Variants in PAQR3 observed in about 807,000 individuals in gnomAD.
PAQR3 encodes Raf kinase trapping to Golgi.
A neutral mutation model predicts 41.7 loss-of-function variants in PAQR3; 39 were observed. The observed-to-expected ratio is 0.93, with a 90% CI of 0.72 to 1.22. The LOEUF (loss-of-function observed/expected upper bound fraction) is 1.22. PAQR3 is among the 50% of genes most tolerant of loss of function. The probability of loss-of-function intolerance (pLI) is 0.00; values close to 1 mark genes in which losing one functional copy is unlikely to be tolerated. For synonymous variants in PAQR3, 140 were observed against 140.6 expected (o/e 1.00, Z 0.03); for missense variants, 366 against 385.6 (o/e 0.95, Z 0.42).
In PAQR3 at chr4:78,918,489, A is replaced by T; in HGVS notation, c.*2050T>A. 3 of 957,960 alleles carry T rather than the reference A, an allele frequency of 3.1e-6. No homozygotes were observed. The highest frequency in any genetic ancestry group is 3.7e-6 in the Non-Finnish European group (3 of 806,278). The allele number at this position is 957,960 out of a possible 1,614,324, so 59.3% of individuals were successfully genotyped here. ...TATATCATAGCAGTGAAAAAATGAG[A>T]GGATAACTTTCTTACAATATTTAAC... On this transcript the variant is annotated 3_prime_UTR_variant, in exon 6 of 6. Coordinates refer to ENST00000512733, the MANE Select transcript of PAQR3 (RefSeq NM_001040202.2).
rs1735370621 is a variant in PAQR3 at position 78,918,924 on chromosome 4, G to A, written c.*1615C>T. 1.0e-6 allele frequency: 1 copy of A among 984,852 alleles called. No individual in the cohort carries two copies. The highest frequency in any genetic ancestry group is 1.7e-5 in the African/African-American group (1 of 57,240). 61.0% of individuals were successfully genotyped at this position (984,852 alleles called of 1,614,324 possible). A position where few individuals can be genotyped will look rare whatever the true frequency, so the allele number is the denominator to read the frequency against. On this transcript the variant is annotated 3_prime_UTR_variant, in exon 6 of 6. Coordinates refer to ENST00000512733, the MANE Select transcript of PAQR3 (RefSeq NM_001040202.2). ...AAAATCTTCTATCACTTAACATATGGATCAAAATTTTAACCTTATAAGGTA... is the reference window on the plus strand; with the variant it reads ...AAAATCTTCTATCACTTAACATATGAATCAAAATTTTAACCTTATAAGGTA...
chr4:78,917,475 T>G lies in PAQR3; in HGVS notation c.*3064A>C, dbSNP rs1220985518. 6.6e-6 allele frequency: 1 copy of G among 151,998 alleles called. No homozygotes were observed. Among genetic ancestry groups the G allele is most frequent in the East Asian group, 1.9e-4 (1 of 5,202 alleles). 9.4% of individuals were successfully genotyped at this position (151,998 alleles called of 1,614,324 possible). On this transcript the variant is annotated 3_prime_UTR_variant, in exon 6 of 6. Transcript: ENST00000512733. ...AAGGGTAGTTTCAGTTCTGGATCATTATCTCATTACACTACTTGGGAATTC... is the reference window on the plus strand; with the variant it reads ...AAGGGTAGTTTCAGTTCTGGATCATGATCTCATTACACTACTTGGGAATTC...
chr4:78,917,988 C>G lies in PAQR3; in HGVS notation c.*2551G>C. ...ACATAATACATATTTTGTCATGCAG[C>G]TTACTGAATTGCAGTTAGTGTAATA... On this transcript the variant is annotated 3_prime_UTR_variant, in exon 6 of 6. Transcript: ENST00000512733. 3.0e-6 allele frequency: 3 copies of G among 983,904 alleles called. No individual in the cohort carries two copies. The highest frequency in any genetic ancestry group is 3.6e-6 in the Non-Finnish European group (3 of 828,256). 60.9% of individuals were successfully genotyped at this position (983,904 alleles called of 1,614,324 possible).
At position 78,939,078 on chromosome 4, in the gene PAQR3, G is replaced by A. The variant is rs1737752705; in HGVS notation, c.147C>T (p.Gly49=). Residue 49 remains glycine (G), a synonymous_variant, in exon 1 of 6, where the codon GGC becomes GGT. Transcript: ENST00000512733. ...GCCTGGACGGCAGGTAGGCCCGGTA[G>A]CCGTCGGTGATGTACGGGTTGTCCT... is the stretch of plus-strand genomic sequence containing the variant. ...SLKDNPYITD[G]YRAYLPSRLC... is the part of the protein sequence containing the mutation. 8 of 1,612,078 alleles carry A rather than the reference G, an allele frequency of 5.0e-6. No individual in the cohort carries two copies. The East Asian group carries it at 1.8e-4, about 36-fold the overall frequency.
At chr4:78,896,065 C>T (rs1001640684) in intron 11 of PAQR3, among the ~76,000 whole-genome samples, 4 of 152,174 alleles carry the variant, frequency 2.6e-5, no homozygotes, top group African/African-American at 9.7e-5. Context: ...AGTCCAAATA[C>T]AGTGTTTAAT....
Position 78,914,024 on chromosome 4 carries a change from T to C in PAQR3, c.*6515A>G. On this transcript the variant is annotated 3_prime_UTR_variant, in exon 6 of 6. Coordinates refer to ENST00000512733, the MANE Select transcript of PAQR3 (RefSeq NM_001040202.2). ...TCTTTTAAAAGTGAAGAGTTGATGA[T>C]TACACATAGTAAATTCATGAACTAC... is the stretch of plus-strand genomic sequence containing the variant. The C allele has an allele frequency of 6.6e-6, 1 of 152,096 alleles. No individual in the cohort carries two copies. The highest frequency in any genetic ancestry group is 1.9e-4 in the East Asian group (1 of 5,198). 9.4% of individuals were successfully genotyped at this position (152,096 alleles called of 1,614,324 possible).
Position 78,913,760 on chromosome 4 carries a change from C to A in PAQR3, c.*6779G>T, listed in dbSNP as rs1196121723. On this transcript the variant is annotated 3_prime_UTR_variant, in exon 6 of 6. Coordinates refer to ENST00000512733, the MANE Select transcript of PAQR3 (RefSeq NM_001040202.2). ...ATTGCTTTTTCCCTTCTTTTATATG[C>A]TAAATCAAATATAGATTTGTGGATA... The A allele has an allele frequency of 6.6e-6, 1 of 151,972 alleles. No homozygotes were observed. The highest frequency in any genetic ancestry group is 1.5e-5 in the Non-Finnish European group (1 of 67,968). 9.4% of individuals were successfully genotyped at this position (151,972 alleles called of 1,614,324 possible).
chr4:78,888,816 A>C (rs980082975), intron 11 of PAQR3, among the ~76,000 whole-genome samples: 1 of 152,216 alleles, frequency 6.6e-6, no homozygotes, highest in Non-Finnish European at 1.5e-5. Flanking sequence ...AATCCTGCCC[A>C]GTATACAACC....
intron 4 of PAQR3, among the ~76,000 whole-genome samples, chr4:78,925,124 A>G (rs928954517): frequency 1.4e-4 from 21 of 152,240 alleles, no homozygotes; most frequent in Middle Eastern, 3.4e-3. Flanking sequence ...TTAGGATTCC[A>G]TCTTTGAAAA....
chr4:78,917,746 T>C lies in PAQR3; in HGVS notation c.*2793A>G. The C allele has an allele frequency of 1.1e-6, 1 of 921,706 alleles. No homozygotes were observed. The highest frequency in any genetic ancestry group is 1.3e-6 in the Non-Finnish European group (1 of 772,094). The allele number at this position is 921,706 out of a possible 1,614,324, so 57.1% of individuals were successfully genotyped here. A position where few individuals can be genotyped will look rare whatever the true frequency, so the allele number is the denominator to read the frequency against. On this transcript the variant is annotated 3_prime_UTR_variant, in exon 6 of 6. Transcript: ENST00000512733. ...TTGACATTTAATACAGGGCAAAGTATTATCTAGTAGGTACCTGCCAAATGG... is the reference window on the plus strand; with the variant it reads ...TTGACATTTAATACAGGGCAAAGTACTATCTAGTAGGTACCTGCCAAATGG...
chr4:78,935,216 TGAA>T lies in PAQR3; in HGVS notation c.250_252del (p.Phe84del), dbSNP rs755057068. On this transcript the variant is annotated inframe_deletion, in exon 2 of 6. Coordinates refer to ENST00000512733, the MANE Select transcript of PAQR3 (RefSeq NM_001040202.2). ...GATGTCATGTCATATATTCCCAGGG[TGAA>T]GAAGAGAAAGAAACCCAGCAAATGA... 1 of 1,613,554 alleles carries T rather than the reference TGAA, an allele frequency of 6.2e-7. No individual in the cohort carries two copies. Among genetic ancestry groups the T allele is most frequent in the Non-Finnish European group, 8.5e-7 (1 of 1,179,664 alleles).
Position 78,939,350 on chromosome 4 carries a change from T to A in PAQR3, c.-126A>T, listed in dbSNP as rs1278554184. ...GACGCTGCGCGAGGTCCTACCGCGC[T>A]GCCGCTGCTGCCCAGGGCCCGGCTC... On this transcript the variant is annotated 5_prime_UTR_variant, in exon 1 of 6. Transcript: ENST00000512733. 4 of 792,336 alleles carry A rather than the reference T, an allele frequency of 5.0e-6. No individual in the cohort carries two copies. The highest frequency in any genetic ancestry group is 1.9e-5 in the African/African-American group (1 of 53,548). The allele number at this position is 792,336 out of a possible 1,614,324, so 49.1% of individuals were successfully genotyped here.
chr4:78,901,846 A>G (rs1734024022), intron 11 of PAQR3, among the ~76,000 whole-genome samples: 1 of 152,312 alleles, frequency 6.6e-6, no homozygotes, highest in South Asian at 2.1e-4. Context: ...CTGAAGTTTT[A>G]GATTTCTTAT....
intron 1 of PAQR3, among the ~76,000 whole-genome samples, chr4:78,937,922 T>C (rs896638470): frequency 6.6e-6 from 1 of 152,200 alleles, no homozygotes; most frequent in Non-Finnish European, 1.5e-5. Context: ...CTCAGCTGTG[T>C]AATTTACTCA....
rs1560565980 is a variant in PAQR3, at chr4:78,916,206, TA to T, written c.*4332del. 1.3e-5 allele frequency: 2 copies of T among 151,968 alleles called. No individual in the cohort carries two copies. The highest frequency in any genetic ancestry group is 1.3e-4 in the Admixed American group (2 of 15,206). 9.4% of individuals were successfully genotyped at this position (151,968 alleles called of 1,614,324 possible). On this transcript the variant is annotated 3_prime_UTR_variant, in exon 6 of 6. Transcript: ENST00000512733. ...TAAGCACTAACTGATTTTATTACTTTATTGCCTTTACACTGCTTATTCTTTT... is the reference window on the plus strand; with the variant it reads ...TAAGCACTAACTGATTTTATTACTTTTTGCCTTTACACTGCTTATTCTTTT...
intron 5 of PAQR3, among the ~76,000 whole-genome samples, chr4:78,921,377 ACATACT>A (rs781733203): frequency 2.6e-5 from 4 of 151,942 alleles, no homozygotes; most frequent in Non-Finnish European, 5.9e-5. Context: ...AATGTAAATA[ACATACT>A]CATGGTGCTT....
chr4:78,911,836 A>G, downstream of PAQR3: 1 of 1,613,928 alleles, frequency 6.2e-7, no homozygotes, highest in South Asian at 1.1e-5. Context: ...TGATCACAAT[A>G]CTGTCCTGCC....
rs1287200478 is a variant in PAQR3, at chr4:78,912,653, T to C, written c.*7886A>G. The stretch of plus-strand genomic sequence containing the variant: ...AGTGCCATTAAAATGGAATATCTAA[T>C]GATAAGCATATGAAATAATGTGTAA... On this transcript the variant is annotated 3_prime_UTR_variant, in exon 6 of 6. Coordinates refer to ENST00000512733, the MANE Select transcript of PAQR3 (RefSeq NM_001040202.2). The C allele has an allele frequency of 6.6e-6, 1 of 152,208 alleles. No homozygotes were observed. Among genetic ancestry groups the C allele is most frequent in the Non-Finnish European group, 1.5e-5 (1 of 68,056 alleles). The allele number at this position is 152,208 out of a possible 1,614,324, so 9.4% of individuals were successfully genotyped here.
At chr4:78,928,603 G>A (rs184182365) in intron 3 of PAQR3, among the ~76,000 whole-genome samples, 77 of 152,230 alleles carry the variant, frequency 5.1e-4, no homozygotes, top group African/African-American at 1.7e-3. Flanking sequence ...TCTACACTGC[G>A]GCCGATCTTC....
Sources: gnomAD v4.1 joint callset for allele counts (sites outside exome capture counted in the v4.1 genomes callset) on GRCh38, gnomAD v4.1.1 for gene constraint, MANE v1.5 for transcripts, NCBI Gene and HGNC (gene_info 2026-07-23, HGNC 2026-07-21) for gene names.